Variants in UTP4 observed in about 807,000 individuals in gnomAD.
UTP4 encodes U3 small nucleolar RNA-associated protein 4 homolog.
In UTP4, 45 loss-of-function variants were observed where a neutral mutation model predicts 82.4. The ratio of observed to expected loss-of-function variants is 0.55; its 90% CI spans 0.43 to 0.70. The LOEUF (loss-of-function observed/expected upper bound fraction) is 0.70, where lower values mean the gene tolerates loss of function less well. Ranked by LOEUF, UTP4 falls within the 30% of genes least tolerant of loss-of-function variation. UTP4 has a pLI of 0.00. For synonymous variants in UTP4, 348 were observed against 300.3 expected (o/e 1.16, Z -1.64); for missense variants, 819 against 858.3 (o/e 0.95, Z 0.57).
At chr16:69,166,605 G>A (rs890108521) in intron 15 of UTP4, 1 of 163,112 alleles carries the variant, frequency 6.1e-6, no homozygotes, top group African/African-American at 2.4e-5. Context: ...TTGTGTTGAG[G>A]TTTCGCCTGG....
At chr16:69,152,680 C>T (rs1293473284) in intron 8 of UTP4, among the ~76,000 whole-genome samples, 1 of 152,032 alleles carries the variant, frequency 6.6e-6, no homozygotes, top group East Asian at 1.9e-4. Flanking sequence ...ACCATGTTGG[C>T]CAGGCTGGTC....
At position 69,149,009 on chromosome 16, in the gene UTP4, G is replaced by A. The variant is rs539262960; in HGVS notation, c.739-1528G>A. Among the ~76,000 whole-genome samples, 3 of 152,064 alleles carry A rather than the reference G, an allele frequency of 2.0e-5. No individual in the cohort carries two copies. In the South Asian group the frequency reaches 6.3e-4, roughly 32 times the overall value. ...CTTTTTAAAGATGAGACTTTGGGAG[G>A]CTGAGGCGGGCGGATCACCTGAGGT... On this transcript the variant is annotated intron_variant, in intron 6 of 16. Coordinates refer to ENST00000314423, the MANE Select transcript of UTP4 (RefSeq NM_032830.3).
intron 13 of UTP4, 136 bp downstream of exon 13, chr16:69,160,598 CTTT>C (rs369908672): frequency 2.9e-3 from 1,664 of 569,090 alleles, no homozygotes; most frequent in East Asian, 4.9e-3. Flanking sequence ...CTTTTCTTTT[CTTT>C]TTTTTTTTTT....
intron 14 of UTP4, 81 bp from the exon 15 acceptor site, chr16:69,165,260 A>C: frequency 8.3e-7 from 1 of 1,207,262 alleles, no homozygotes; most frequent in Non-Finnish European, 1.2e-6. Context: ...TTGTATAGAT[A>C]CTTTCTGGTT....
Position 69,156,838 on chromosome 16 carries a change from T to A in UTP4, c.1288-246T>A, listed in dbSNP as rs1187497558. 7.9e-5 allele frequency among the ~76,000 whole-genome samples: 12 copies of A among 152,338 alleles called. 1 individual carries two copies. The South Asian group carries it at 2.1e-3, about 26-fold the overall frequency. On this transcript the variant is annotated intron_variant, in intron 11 of 16. Transcript: ENST00000314423. The stretch of plus-strand genomic sequence containing the variant: ...GGTAATGCCCTACAGGCAATAAAAT[T>A]AAAGCTTTTCTGTTTAGTGGTTTCA...
At chr16:69,139,515 T>C (rs1336506481) in intron 4 of UTP4, among the ~76,000 whole-genome samples, 1 of 151,662 alleles carries the variant, frequency 6.6e-6, no homozygotes, top group Non-Finnish European at 1.5e-5. Flanking sequence ...GGCAGGTGCC[T>C]GTAATCTCAG....
intron 6 of UTP4, among the ~76,000 whole-genome samples, chr16:69,146,002 A>G (rs775474364): frequency 6.6e-6 from 1 of 151,998 alleles, no homozygotes; most frequent in African/African-American, 2.4e-5. Flanking sequence ...GGGAACTGGT[A>G]AAATATTTCA....
intron 4 of UTP4, among the ~76,000 whole-genome samples, chr16:69,138,311 C>G (rs1462830389): frequency 1.3e-5 from 2 of 150,578 alleles, no homozygotes; most frequent in Non-Finnish European, 1.5e-5. Flanking sequence ...GATCTCGGCT[C>G]ACTGTAATCT....
intron 6 of UTP4, among the ~76,000 whole-genome samples, chr16:69,146,291 C>G (rs1284565679): frequency 6.6e-6 from 1 of 152,158 alleles, no homozygotes; most frequent in African/African-American, 2.4e-5. Context: ...AAACAGAAAC[C>G]TGTACTCATT....
intron 6 of UTP4, among the ~76,000 whole-genome samples, chr16:69,147,329 C>T (rs531048628): frequency 2.0e-5 from 3 of 151,746 alleles, no homozygotes; most frequent in African/African-American, 7.2e-5. Context: ...CATGGTGAAA[C>T]TCTGTCTCTA....
intron 11 of UTP4, among the ~76,000 whole-genome samples, chr16:69,156,372 G>T (rs1489351821): frequency 1.3e-5 from 2 of 151,128 alleles, no homozygotes; most frequent in African/African-American, 4.9e-5. Context: ...GGCCATGCTG[G>T]TCCTGAACTC....
chr16:69,137,736 G>A (rs1962847960), intron 3 of UTP4, 65 bp from the exon 4 acceptor site: 2 of 848,016 alleles, frequency 2.4e-6, no homozygotes, highest in African/African-American at 3.3e-5. Context: ...GGGTGTGTGT[G>A]TGTGTTTAGT....
At chr16:69,153,295 C>T (rs1465355202) in intron 8 of UTP4, among the ~76,000 whole-genome samples, 2 of 152,146 alleles carry the variant, frequency 1.3e-5, no homozygotes, top group Admixed American at 6.5e-5. Context: ...TTTTTCAGTA[C>T]ATACTGTGTT....
At chr16:69,153,863 G>A (rs1275620376) in intron 9 of UTP4, among the ~76,000 whole-genome samples, 183 bp downstream of exon 9, 2 of 152,210 alleles carry the variant, frequency 1.3e-5, no homozygotes, top group East Asian at 3.9e-4. Context: ...TCTTTAGCAG[G>A]ATATTGGATC....
chr16:69,156,076 TG>T, intron 11 of UTP4, 83 bp downstream of exon 11: 2 of 1,355,828 alleles, frequency 1.5e-6, no homozygotes, highest in Non-Finnish European at 2.1e-6. Context: ...ATCAACTGGA[TG>T]TGAATCCTTG....
At chr16:69,158,828 A>C (rs1963491091) in intron 12 of UTP4, among the ~76,000 whole-genome samples, 1 of 152,032 alleles carries the variant, frequency 6.6e-6, no homozygotes, top group Non-Finnish European at 1.5e-5. Flanking sequence ...TTATAAAGCC[A>C]TGTTATCGTT....
intron 16 of UTP4, among the ~76,000 whole-genome samples, 179 bp from the exon 17 acceptor site, chr16:69,168,642 C>T (rs1963762780): frequency 6.6e-6 from 1 of 151,964 alleles, no homozygotes; most frequent in African/African-American, 2.4e-5. Flanking sequence ...AAAAAAAAAG[C>T]TTTTATGCAT....
chr16:69,133,007 G>T (rs1962678569), intron 1 of UTP4: 2 of 252,138 alleles, frequency 7.9e-6, no homozygotes, highest in South Asian at 8.5e-5. Flanking sequence ...GGGGGGACGG[G>T]GTAGGGTAAG....
rs1963358375 is a variant in UTP4 at position 69,154,513 on chromosome 16, T to A, written c.1164+56T>A. ...AGAGCCTGAATTCTAGGCTCATAAT[T>A]CCCATTCTGAATTTTGAGGTTACTT... On this transcript the variant is annotated intron_variant, in intron 10 of 16. Coordinates refer to ENST00000314423, the MANE Select transcript of UTP4 (RefSeq NM_032830.3). 6.3e-6 allele frequency: 8 copies of A among 1,274,780 alleles called. 1 individual carries two copies. In the South Asian group the frequency reaches 8.4e-5, roughly 13 times the overall value. The allele number at this position is 1,274,780 out of a possible 1,614,324, so 79.0% of individuals were successfully genotyped here. A position where few individuals can be genotyped will look rare whatever the true frequency, so the allele number is the denominator to read the frequency against.
Sources: gnomAD v4.1 joint callset for allele counts (sites outside exome capture counted in the v4.1 genomes callset) on GRCh38, gnomAD v4.1.1 for gene constraint, MANE v1.5 for transcripts, NCBI Gene and HGNC (gene_info 2026-07-23, HGNC 2026-07-21) for gene names.